Variants in GRAMD2B observed in about 807,000 individuals in gnomAD.
The protein encoded by GRAMD2B is GRAM domain containing 2B, also known as GRAM domain-containing protein 2B.
Under a neutral mutation model 59.2 loss-of-function variants are expected in GRAMD2B, and 41 were observed. The observed-to-expected ratio is 0.69, with a 90% CI of 0.54 to 0.90. GRAMD2B has a LOEUF of 0.90. GRAMD2B is among the 40% of genes least tolerant of loss of function. GRAMD2B has a pLI of 0.00. For synonymous variants in GRAMD2B, 161 were observed against 182.7 expected (o/e 0.88, Z 0.96); for missense variants, 424 against 500.5 (o/e 0.85, Z 1.46).
intron 1 of GRAMD2B, among the ~76,000 whole-genome samples, chr5:126,433,104 T>C (rs72784506): frequency 0.02 from 3,025 of 152,348 alleles, 41 homozygotes; most frequent in Non-Finnish European, 0.032. Flanking sequence ...GTTTTGAGAT[T>C]CGATCTTCTT....
chr5:126,466,246 G>C, intron 2 of GRAMD2B: 2 of 1,549,046 alleles, frequency 1.3e-6, no homozygotes, highest in Non-Finnish European at 1.7e-6. Context: ...TTTGGTCTTT[G>C]CTAAAAGATT....
At chr5:126,377,096 T>C (rs1056818741) in intron 1 of GRAMD2B, among the ~76,000 whole-genome samples, 5 of 148,576 alleles carry the variant, frequency 3.4e-5, no homozygotes, top group Admixed American at 6.8e-5. Flanking sequence ...CTTCCGCACA[T>C]TCAATATTTT....
chr5:126,369,478 CAGAG>C (rs979701962), upstream of GRAMD2B, among the ~76,000 whole-genome samples: 1 of 152,118 alleles, frequency 6.6e-6, no homozygotes, highest in African/African-American at 2.4e-5. Context: ...TTAGCTAGTA[CAGAG>C]AGTCAATAAA....
rs1282679421 is a variant in GRAMD2B, at chr5:126,493,224, G to A, written c.*268G>A. On this transcript the variant is annotated 3_prime_UTR_variant, in exon 14 of 14. Transcript: ENST00000285689. ...ACCCATCTCTGGAGGTCTCAGGAAG[G>A]GCCCAGCGAACACACTCTCTTGGAT... 6.5e-6 allele frequency: 3 copies of A among 463,380 alleles called. No homozygotes were observed. The highest frequency in any genetic ancestry group is 5.9e-5 in the African/African-American group (3 of 51,122). 28.7% of individuals were successfully genotyped at this position (463,380 alleles called of 1,614,324 possible). A position where few individuals can be genotyped will look rare whatever the true frequency, so the allele number is the denominator to read the frequency against.
chr5:126,477,700 TC>T lies in GRAMD2B; in HGVS notation c.497del (p.Pro166GlnfsTer5). 6.3e-7 allele frequency: 1 copy of T among 1,594,464 alleles called. No homozygotes were observed. Among genetic ancestry groups the T allele is most frequent in the Non-Finnish European group, 8.6e-7 (1 of 1,162,112 alleles). On this transcript the variant is annotated frameshift_variant, in exon 6 of 14. Transcript: ENST00000285689. LOFTEE classifies it high-confidence loss of function. ...TGCTGATTCTGTTTCAGATCTCTAT[TC>T]CAGCTTTCTCGGTAACCCTAATAAA... The part of the protein sequence containing the change: ...VFGKDTKISI[P>X]AFSVTLIKKT...
intron 1 of GRAMD2B, among the ~76,000 whole-genome samples, chr5:126,441,334 C>T (rs1275347081): frequency 6.6e-6 from 1 of 152,166 alleles, no homozygotes; most frequent in Non-Finnish European, 1.5e-5. Flanking sequence ...AAATTAGGTA[C>T]ACAGATGCAT....
At chr5:126,416,601 T>C (rs959815322) in intron 1 of GRAMD2B, among the ~76,000 whole-genome samples, 1 of 152,138 alleles carries the variant, frequency 6.6e-6, no homozygotes, top group Non-Finnish European at 1.5e-5. Flanking sequence ...ACAGAAAACA[T>C]CTTCTCTGAG....
intron 8 of GRAMD2B, 51 bp from the exon 9 acceptor site, chr5:126,483,412 C>G: frequency 8.9e-7 from 1 of 1,128,778 alleles, no homozygotes; most frequent in Non-Finnish European, 1.3e-6. Flanking sequence ...AAAGGCCTGC[C>G]TGTTTACTAA....
At chr5:126,397,283 G>T (rs528812654) in intron 1 of GRAMD2B, among the ~76,000 whole-genome samples, 1 of 152,274 alleles carries the variant, frequency 6.6e-6, no homozygotes, top group African/African-American at 2.4e-5. Flanking sequence ...GAAACAGAGT[G>T]GTGTGATCTT....
intron 1 of GRAMD2B, among the ~76,000 whole-genome samples, chr5:126,435,258 G>A (rs1762221182): frequency 6.6e-6 from 1 of 152,220 alleles, no homozygotes; most frequent in Non-Finnish European, 1.5e-5. Flanking sequence ...TGAGGATAGA[G>A]ATGTAGCCAA....
chr5:126,394,359 G>A (rs1479100781), intron 1 of GRAMD2B, among the ~76,000 whole-genome samples: 1 of 152,092 alleles, frequency 6.6e-6, no homozygotes. Flanking sequence ...TAGGGCATGA[G>A]TATCAGTTCA....
At chr5:126,434,355 C>A (rs540165833) in intron 1 of GRAMD2B, among the ~76,000 whole-genome samples, 2 of 152,166 alleles carry the variant, frequency 1.3e-5, no homozygotes, top group South Asian at 4.1e-4. Context: ...TCAGCTATCA[C>A]AATCTTCTTA....
chr5:126,412,642 G>A (rs1200297996), intron 1 of GRAMD2B, among the ~76,000 whole-genome samples: 1 of 151,974 alleles, frequency 6.6e-6, no homozygotes, highest in Non-Finnish European at 1.5e-5. Flanking sequence ...TTAGAGAAGA[G>A]TCCTTTCTCC....
chr5:126,407,376 A>G (rs192632788), intron 1 of GRAMD2B, among the ~76,000 whole-genome samples: 2 of 152,146 alleles, frequency 1.3e-5, no homozygotes, highest in African/African-American at 4.8e-5. Flanking sequence ...GCAAACCAGG[A>G]CAGTCACCCT....
chr5:126,409,227 A>G (rs143664013), intron 1 of GRAMD2B, among the ~76,000 whole-genome samples: 4,199 of 152,164 alleles, frequency 0.028, 92 homozygotes, highest in Admixed American at 0.057. Flanking sequence ...TAGGTCAAAT[A>G]GTATTTCTAG....
At chr5:126,391,319 C>CAAAAAGAAAAAAAAAA (rs1756736717) in intron 1 of GRAMD2B, among the ~76,000 whole-genome samples, 1 of 76,348 alleles carries the variant, frequency 1.3e-5, no homozygotes, top group Non-Finnish European at 2.6e-5. Flanking sequence ...GACTCCATCT[C>CAAAAAGAAAAAAAAAA]AAAAAAAAAA....
chr5:126,441,635 A>T (rs991195366), intron 1 of GRAMD2B, among the ~76,000 whole-genome samples: 6 of 152,240 alleles, frequency 3.9e-5, no homozygotes, highest in Admixed American at 2.0e-4. Context: ...ACTATAAATA[A>T]TAATGCTGGC....
At position 126,493,393 on chromosome 5, in the gene GRAMD2B, A is replaced by G. The variant is rs1349395469; in HGVS notation, c.*437A>G. On this transcript the variant is annotated 3_prime_UTR_variant, in exon 14 of 14. Coordinates refer to ENST00000285689, the MANE Select transcript of GRAMD2B (RefSeq NM_023927.4). ...TGACAAACTCAATGTGGTCCTTTCA[A>G]GAATTAGCCATGAGTCTCAAAAAGG... 6.4e-6 allele frequency: 1 copy of G among 155,938 alleles called. No homozygotes were observed. Among genetic ancestry groups the G allele is most frequent in the African/African-American group, 2.4e-5 (1 of 41,542 alleles). The allele number at this position is 155,938 out of a possible 1,614,324, so 9.7% of individuals were successfully genotyped here.
chr5:126,439,024 AGCCATGAT>A (rs889654990), intron 1 of GRAMD2B, among the ~76,000 whole-genome samples: 7 of 152,286 alleles, frequency 4.6e-5, no homozygotes, highest in African/African-American at 1.4e-4. Flanking sequence ...CAACCGTCTG[AGCCATGAT>A]GCAAGCCTGG....
Sources: allele counts gnomAD v4.1 joint callset (sites outside exome capture counted in the v4.1 genomes callset), GRCh38; gene constraint gnomAD v4.1.1; transcripts MANE v1.5; gene names NCBI Gene and HGNC (gene_info 2026-07-23, HGNC 2026-07-21).